The following SARM1 variants were observed in gnomAD, a reference collection of about 807,000 sequenced individuals.
SARM1 encodes sterile alpha and TIR motif containing 1.
In SARM1, 60 loss-of-function variants were observed where a neutral mutation model predicts 65.1. The observed-to-expected ratio is 0.92, with a 90% confidence interval of 0.75 to 1.14. The LOEUF (loss-of-function observed/expected upper bound fraction) is 1.14, where lower values mean the gene tolerates loss of function less well. Among genes scored for constraint, SARM1 ranks in the 50% most tolerant of loss-of-function variants. SARM1 has a pLI of 0.00. For synonymous variants in SARM1, 417 were observed against 465.4 expected (o/e 0.90, Z 1.34); for missense variants, 913 against 1,015.7 (o/e 0.90, Z 1.37).
intron 7 of SARM1, among the ~76,000 whole-genome samples, chr17:28,392,188 T>G (rs2068084217): frequency 6.6e-6 from 1 of 151,892 alleles, no homozygotes; most frequent in Admixed American, 6.6e-5. Flanking sequence ...GTCGGCTCAC[T>G]GCAACCTCCG....
chr17:28,372,794 G>T lies in SARM1; in HGVS notation c.470+292G>T, dbSNP rs2067966121. 1.3e-5 allele frequency among the ~76,000 whole-genome samples: 2 copies of T among 152,290 alleles called. No homozygotes were observed. The highest frequency in any genetic ancestry group is 3.9e-4 in the East Asian group (2 of 5,172). On this transcript the variant is annotated intron_variant, in intron 1 of 8. Transcript: ENST00000585482. The surrounding 1 kb of genome is among the most constrained non-coding windows in gnomAD (Gnocchi z 5.2). ...CGTCCCTGGCTCTATGGATGGAGAT[G>T]GCATCCTATTGCCAATTCTCCCTCT... is the stretch of plus-strand genomic sequence containing the variant.
chr17:28,385,161 G>A lies in SARM1; in HGVS notation c.1516G>A (p.Val506Ile), dbSNP rs1202773157. 1 of 1,612,282 alleles carries A rather than the reference G, an allele frequency of 6.2e-7. No homozygotes were observed. Among genetic ancestry groups the A allele is most frequent in the South Asian group, 1.1e-5 (1 of 90,872 alleles). Residue 506 changes from valine (V) to isoleucine (I), a missense_variant, in exon 5 of 9, where the codon GTC becomes ATC. Physicochemically the swap from Val to Ile is conservative, Grantham distance 29. Transcript: ENST00000585482. The surrounding 1 kb of genome is among the most constrained non-coding windows in gnomAD (Gnocchi z 4.5). ...PRFRQYTYGLVSCGLDRSLLH... is the reference protein window; with the variant it reads ...PRFRQYTYGLISCGLDRSLLH... ...CTTCCGCCAGTACACCTACGGCCTG[G>A]TCAGCTGCGGCCTGGACCGCTCCCT...
chr17:28,381,522 G>C lies in SARM1; in HGVS notation c.790G>C (p.Glu264Gln), dbSNP rs2068024038. 5 of 1,571,604 alleles carry C rather than the reference G, an allele frequency of 3.2e-6. No individual in the cohort carries two copies. Among genetic ancestry groups the C allele is most frequent in the Non-Finnish European group, 3.4e-6 (4 of 1,159,600 alleles). Residue 264 changes from glutamate (E) to glutamine (Q), a missense_variant, in exon 2 of 9, where the codon GAG (glutamate) becomes CAG (glutamine). By Grantham distance (29) the Glu-to-Gln change is conservative. Coordinates refer to ENST00000585482, the MANE Select transcript of SARM1 (RefSeq NM_015077.4). The stretch of plus-strand genomic sequence containing the variant: ...CCCGCTCGCCTTCTCCAAGGAGGAC[G>C]AGCTGCTTCGGCTGCACGCCTGCCT... ...LFPLAFSKED[E>Q]LLRLHACLAV...
At chr17:28,388,789 G>C (rs1342229777) in intron 7 of SARM1, among the ~76,000 whole-genome samples, 8 of 105,076 alleles carry the variant, frequency 7.6e-5, no homozygotes. Flanking sequence ...TTTTGTTTTT[G>C]AGGTAGAGTC....
Position 28,399,632 on chromosome 17 carries a change from C to G in SARM1, c.*3346C>G. On this transcript the variant is annotated 3_prime_UTR_variant, in exon 9 of 9. Coordinates refer to ENST00000585482, the MANE Select transcript of SARM1 (RefSeq NM_015077.4). ...TTGGTGTTCACTTTGCTCCTCTTGC[C>G]CTCTGTCTTCTGGTCCAGGCAGATC... 6.2e-7 allele frequency: 1 copy of G among 1,613,748 alleles called. No homozygotes were observed.
Position 28,400,867 on chromosome 17 carries a change from C to T in SARM1, c.*4581C>T, listed in dbSNP as rs890331269. ...GTGTGACCGGGAGTAGTCACTTAAC[C>T]TATGTCTCCCCTTCCTCACCAGTAA... On this transcript the variant is annotated 3_prime_UTR_variant, in exon 9 of 9. Transcript: ENST00000585482. The T allele has an allele frequency of 1.8e-5, 19 of 1,028,110 alleles. No individual in the cohort carries two copies. The highest frequency in any genetic ancestry group is 2.8e-5 in the Non-Finnish European group (19 of 678,246). 63.7% of individuals were successfully genotyped at this position (1,028,110 alleles called of 1,614,324 possible).
rs2068045130 is a variant in SARM1 at position 28,385,258 on chromosome 17, TC to T, written c.1615del (p.Leu539SerfsTer42). ...GIHLGVHRARILTAAREMLHS... is the reference protein window; with the variant it reads ...GIHLGVHRARXLTAAREMLHS... ...CACCTGGGCGTGCACCGCGCCCGCA[TC>T]CTCACGGCGGCCAGAGGTCAGCCCG... On this transcript the variant is annotated frameshift_variant, in exon 5 of 9. Transcript: ENST00000585482. LOFTEE classifies it high-confidence loss of function. The surrounding 1 kb of genome is among the most constrained non-coding windows in gnomAD (Gnocchi z 4.5). 6.4e-7 allele frequency: 1 copy of T among 1,562,920 alleles called. No homozygotes were observed.
rs185918175 is a variant in SARM1 at position 28,400,419 on chromosome 17, G to T, written c.*4133G>T. 1 of 645,832 alleles carries T rather than the reference G, an allele frequency of 1.5e-6. No individual in the cohort carries two copies. The highest frequency in any genetic ancestry group is 2.6e-6 in the Non-Finnish European group (1 of 383,866). The allele number at this position is 645,832 out of a possible 1,614,324, so 40.0% of individuals were successfully genotyped here. ...GCCTGATCCTTCCTCCACCTAGCTCGCCATCTCGCCCTTGGAAAATGGCTC... is the reference window on the plus strand; with the variant it reads ...GCCTGATCCTTCCTCCACCTAGCTCTCCATCTCGCCCTTGGAAAATGGCTC... On this transcript the variant is annotated 3_prime_UTR_variant, in exon 9 of 9. Transcript: ENST00000585482.
rs782007129 is a variant in SARM1 at position 28,399,689 on chromosome 17, G to A, written c.*3403G>A. On this transcript the variant is annotated 3_prime_UTR_variant, in exon 9 of 9. Coordinates refer to ENST00000585482, the MANE Select transcript of SARM1 (RefSeq NM_015077.4). Reference sequence around the variant, plus strand: ...TCTGGGGAAACTGCTGGAACTCGAGGTGAGGATCAGCCTTTTCCAGCATCC... The same window carrying A: ...TCTGGGGAAACTGCTGGAACTCGAGATGAGGATCAGCCTTTTCCAGCATCC... 1 of 1,614,004 alleles carries A rather than the reference G, an allele frequency of 6.2e-7. No homozygotes were observed. The highest frequency in any genetic ancestry group is 8.5e-7 in the Non-Finnish European group (1 of 1,179,890).
At chr17:28,388,325 G>C in intron 6 of SARM1, 25 bp from the exon 7 acceptor site, 1 of 1,611,640 alleles carries the variant, frequency 6.2e-7, no homozygotes, top group South Asian at 1.1e-5. Flanking sequence ...CAAGGCTGTG[G>C]CACTGACACA....
rs1452806396 is a variant in SARM1 at position 28,385,343 on chromosome 17, A to T, written c.1630+68A>T. On this transcript the variant is annotated intron_variant, in intron 5 of 8. Transcript: ENST00000585482. The surrounding 1 kb of genome is among the most constrained non-coding windows in gnomAD (Gnocchi z 4.5). ...GCCACGGCCCTGGAATGGTGAGGGG[A>T]GACACGGGGTGGAGCCTTCCAGCCT... 8.1e-7 allele frequency: 1 copy of T among 1,233,698 alleles called. No individual in the cohort carries two copies. The highest frequency in any genetic ancestry group is 1.5e-5 in the South Asian group (1 of 66,170). The allele number at this position is 1,233,698 out of a possible 1,614,324, so 76.4% of individuals were successfully genotyped here. A position where few individuals can be genotyped will look rare whatever the true frequency, so the allele number is the denominator to read the frequency against.
At chr17:28,382,175 G>C (rs948931456) in intron 2 of SARM1, among the ~76,000 whole-genome samples, 13 of 152,180 alleles carry the variant, frequency 8.5e-5, no homozygotes, top group Non-Finnish European at 4.4e-5. Context: ...GGGGGAGACA[G>C]CGATGCCAGT....
chr17:28,374,998 A>G (rs1364513724), intron 1 of SARM1, among the ~76,000 whole-genome samples: 15 of 147,098 alleles, frequency 1.0e-4, no homozygotes, highest in Admixed American at 2.7e-4. Context: ...AAAAAAAACA[A>G]TTCCATCAGT....
At chr17:28,380,057 C>CTTTTTTTTTTTTTTT (rs61029083) in intron 1 of SARM1, among the ~76,000 whole-genome samples, 4 of 106,094 alleles carry the variant, frequency 3.8e-5, no homozygotes, top group Non-Finnish European at 3.6e-5. Flanking sequence ...TTTTTCTTTT[C>CTTTTTTTTTTTTTTT]TTTTTTTTTT....
rs12453383 is a variant in SARM1 at position 28,396,688 on chromosome 17, G to T, written c.*402G>T. On this transcript the variant is annotated 3_prime_UTR_variant, in exon 9 of 9. Coordinates refer to ENST00000585482, the MANE Select transcript of SARM1 (RefSeq NM_015077.4). ...ACAGGAATTAAGGCAATGCCCAGGC[G>T]GGCCTGGGCACTGTATTCTGAGCAA... is the stretch of plus-strand genomic sequence containing the variant. The T allele has an allele frequency of 1.5e-5, 3 of 202,826 alleles. No homozygotes were observed. Among genetic ancestry groups the T allele is most frequent in the African/African-American group, 7.0e-5 (3 of 42,952 alleles). 12.6% of individuals were successfully genotyped at this position (202,826 alleles called of 1,614,324 possible).
intron 1 of SARM1, chr17:28,374,199 A>T (rs1339434168): frequency 1.3e-5 from 2 of 150,240 alleles, no homozygotes; most frequent in East Asian, 3.9e-4. Flanking sequence ...ATCGCACAGA[A>T]CCCGGGAGGT....
chr17:28,396,050 AG>A (rs782475690), intron 8 of SARM1, 24 bp downstream of exon 8: 20 of 1,613,508 alleles, frequency 1.2e-5, no homozygotes, highest in Non-Finnish European at 1.7e-5. Flanking sequence ...CCCTGGGACC[AG>A]GGGGGTAGGG....
At position 28,396,401 on chromosome 17, in the gene SARM1, A is replaced by T; in HGVS notation, c.*115A>T. ...AGACAACCTGGGCTCTTCTTAGGAA[A>T]TGGCTCTCCCTCCCCCTGTCCCCCA... On this transcript the variant is annotated 3_prime_UTR_variant, in exon 9 of 9. Coordinates refer to ENST00000585482, the MANE Select transcript of SARM1 (RefSeq NM_015077.4). The T allele has an allele frequency of 1.6e-6, 2 of 1,272,940 alleles. No individual in the cohort carries two copies. The highest frequency in any genetic ancestry group is 2.2e-6 in the Non-Finnish European group (2 of 903,498). The allele number at this position is 1,272,940 out of a possible 1,614,324, so 78.9% of individuals were successfully genotyped here. A position where few individuals can be genotyped will look rare whatever the true frequency, so the allele number is the denominator to read the frequency against.
At chr17:28,375,441 A>G (rs1396439994) in intron 1 of SARM1, among the ~76,000 whole-genome samples, 1 of 147,750 alleles carries the variant, frequency 6.8e-6, no homozygotes, top group African/African-American at 2.5e-5. Flanking sequence ...TACTAAAAAT[A>G]CAAAAAATTA....
Sources: allele counts gnomAD v4.1 joint callset (sites outside exome capture counted in the v4.1 genomes callset), GRCh38; gene constraint gnomAD v4.1.1; non-coding constraint Gnocchi (gnomAD v3.1); transcripts MANE v1.5; gene names NCBI Gene and HGNC (gene_info 2026-07-23, HGNC 2026-07-21).